The following GALNT17 variants were observed in gnomAD, a reference collection of about 807,000 sequenced individuals.
GALNT17 encodes the protein polypeptide N-acetylgalactosaminyltransferase 17.
GALNT17 carries 29 observed loss-of-function variants against 63.7 expected under a neutral mutation model. The ratio of observed to expected loss-of-function variants is 0.46; its 90% CI spans 0.34 to 0.62. GALNT17 has a LOEUF of 0.62. GALNT17 is among the 20% of genes least tolerant of loss of function. The probability of loss-of-function intolerance (pLI) is 0.01; values close to 1 mark genes in which losing one functional copy is unlikely to be tolerated. For synonymous variants in GALNT17, 305 were observed against 318.3 expected (o/e 0.96, Z 0.45); for missense variants, 603 against 799.6 (o/e 0.75, Z 2.97).
intron 2 of GALNT17, among the ~76,000 whole-genome samples, chr7:71,385,000 G>T (rs1448030743): frequency 6.6e-6 from 1 of 152,156 alleles, no homozygotes; most frequent in Non-Finnish European, 1.5e-5. Flanking sequence ...AGTGTTTAAT[G>T]TGCTTTAGCC....
Position 71,668,113 on chromosome 7 carries a change from G to A in GALNT17, c.1267-1859G>A, listed in dbSNP as rs555871939. Among the ~76,000 whole-genome samples the A allele has an allele frequency of 2.6e-5, 4 of 152,234 alleles. No individual in the cohort carries two copies. The South Asian group carries it at 8.3e-4, about 32-fold the overall frequency. On this transcript the variant is annotated intron_variant, in intron 7 of 10. Coordinates refer to ENST00000333538, the MANE Select transcript of GALNT17 (RefSeq NM_022479.3). ...TGCGCCTGGCCTCAAGTTTTGACCTGGAATGGTGGTGTGACTTAGAGTTAC... is the reference window on the plus strand; with the variant it reads ...TGCGCCTGGCCTCAAGTTTTGACCTAGAATGGTGGTGTGACTTAGAGTTAC...
At chr7:71,604,317 T>G (rs1206636466) in intron 6 of GALNT17, among the ~76,000 whole-genome samples, 3 of 152,138 alleles carry the variant, frequency 2.0e-5, no homozygotes, top group Non-Finnish European at 4.4e-5. Flanking sequence ...GATACTATGA[T>G]AAGTGCATTC....
chr7:71,544,604 C>G (rs1788951185), intron 5 of GALNT17, among the ~76,000 whole-genome samples: 1 of 152,158 alleles, frequency 6.6e-6, no homozygotes, highest in African/African-American at 2.4e-5. Context: ...AGAGGAGGCT[C>G]TCCAAAGCCC....
chr7:71,409,229 C>T (rs78181320), intron 3 of GALNT17, among the ~76,000 whole-genome samples: 5,809 of 152,070 alleles, frequency 0.038, 189 homozygotes, highest in African/African-American at 0.087. Flanking sequence ...TCTGGAATGT[C>T]AGCTCAGTTG....
chr7:71,153,778 G>A (rs1359185772), intron 1 of GALNT17, among the ~76,000 whole-genome samples: 2 of 152,068 alleles, frequency 1.3e-5, no homozygotes, highest in South Asian at 2.1e-4. Flanking sequence ...TTAGCCAGTC[G>A]TGGTGGCGGG....
rs543685809 is a variant in GALNT17, at chr7:71,504,504, CT to C, written c.963-66777del. 9.8e-4 allele frequency among the ~76,000 whole-genome samples: 149 copies of C among 152,180 alleles called. No homozygotes were observed. In the Middle Eastern group the frequency reaches 0.01, roughly 10 times the overall value. ...TTTGCTGTCTGCTATTTATCACTCT[CT>C]TTTGGTTTACTTATTTACATATTTT... is the stretch of plus-strand genomic sequence containing the variant. On this transcript the variant is annotated intron_variant, in intron 5 of 10. Coordinates refer to ENST00000333538, the MANE Select transcript of GALNT17 (RefSeq NM_022479.3).
At chr7:71,133,342 C>G (rs1425718445) in intron 1 of GALNT17, among the ~76,000 whole-genome samples, 3 of 152,138 alleles carry the variant, frequency 2.0e-5, no homozygotes, top group Admixed American at 1.3e-4. Context: ...GACTCCAGCC[C>G]GAGCGCAGAA....
At chr7:71,295,456 TTC>T (rs1791060668) in intron 1 of GALNT17, among the ~76,000 whole-genome samples, 1 of 151,944 alleles carries the variant, frequency 6.6e-6, no homozygotes, top group Non-Finnish European at 1.5e-5. Context: ...TGTATTTTGT[TTC>T]TCTCTGTCTC....
chr7:71,651,220 C>CAA (rs71089971), intron 6 of GALNT17, among the ~76,000 whole-genome samples: 30,235 of 67,642 alleles, frequency 0.45, 7,732 homozygotes, highest in East Asian at 0.7. Context: ...GATGGGAGCA[C>CAA]AAAAAAAAAA....
intron 6 of GALNT17, among the ~76,000 whole-genome samples, chr7:71,628,351 T>C (rs1395225375): frequency 1.3e-5 from 2 of 152,134 alleles, no homozygotes; most frequent in Non-Finnish European, 2.9e-5. Flanking sequence ...AGACAGAGTC[T>C]CACTTTTGTC....
At chr7:71,520,308 G>C (rs940082081) in intron 5 of GALNT17, among the ~76,000 whole-genome samples, 4 of 152,124 alleles carry the variant, frequency 2.6e-5, no homozygotes, top group African/African-American at 9.7e-5. Flanking sequence ...CGGATCACCT[G>C]AGGTCAGGAG....
At chr7:71,334,994 C>G (rs761524386) in intron 1 of GALNT17, among the ~76,000 whole-genome samples, 1 of 152,160 alleles carries the variant, frequency 6.6e-6, no homozygotes, top group South Asian at 2.1e-4. Flanking sequence ...GGGAAACAGG[C>G]GTGAATAATG....
At chr7:71,591,654 TGTTTGTTTGTTC>T (rs546022257) in intron 6 of GALNT17, among the ~76,000 whole-genome samples, 4,795 of 152,208 alleles carry the variant, frequency 0.032, 239 homozygotes, top group African/African-American at 0.11. Context: ...GTTGATTGTT[TGTTTGTTTGTTC>T]GTTTGTTTGT....
intron 1 of GALNT17, among the ~76,000 whole-genome samples, chr7:71,253,852 A>G (rs1247653203): frequency 1.3e-5 from 2 of 152,136 alleles, no homozygotes; most frequent in African/African-American, 4.8e-5. Flanking sequence ...GACCCTTTCC[A>G]CAGTACCATG....
intron 2 of GALNT17, among the ~76,000 whole-genome samples, chr7:71,341,988 G>A (rs1423690794): frequency 6.6e-6 from 1 of 152,190 alleles, no homozygotes; most frequent in Non-Finnish European, 1.5e-5. Flanking sequence ...GAGGTGGGAA[G>A]TGGCAACATT....
intron 4 of GALNT17, among the ~76,000 whole-genome samples, chr7:71,418,268 C>T (rs560938444): frequency 6.4e-4 from 97 of 152,296 alleles, no homozygotes; most frequent in Middle Eastern, 3.4e-3. Flanking sequence ...GCCATTCAGA[C>T]GCATTTTCCA....
chr7:71,370,762 C>T (rs1922524), intron 2 of GALNT17, among the ~76,000 whole-genome samples: 6,686 of 152,108 alleles, frequency 0.044, 515 homozygotes, highest in African/African-American at 0.15. Flanking sequence ...GCCACCACCG[C>T]GCCTGGCCCT....
chr7:71,664,481 C>G (rs753553149), intron 6 of GALNT17, among the ~76,000 whole-genome samples: 2 of 152,092 alleles, frequency 1.3e-5, no homozygotes, highest in African/African-American at 4.8e-5. Context: ...CATGGAGGCA[C>G]GTACCTGTAG....
intron 1 of GALNT17, among the ~76,000 whole-genome samples, chr7:71,308,469 T>C (rs1791349098): frequency 6.6e-6 from 1 of 152,090 alleles, no homozygotes; most frequent in Non-Finnish European, 1.5e-5. Context: ...GAATAGGATT[T>C]TTCGAACATT....
Sources: allele counts gnomAD v4.1 joint callset (sites outside exome capture counted in the v4.1 genomes callset), GRCh38; gene constraint gnomAD v4.1.1; transcripts MANE v1.5; gene names NCBI Gene and HGNC (gene_info 2026-07-23, HGNC 2026-07-21).